TATDN3: variants seen among roughly 807,000 people sequenced by gnomAD.
The protein encoded by TATDN3 is TatD DNase domain containing 3.
A neutral mutation model predicts 40.1 loss-of-function variants in TATDN3; 29 were observed. The observed-to-expected ratio is 0.72, with a 90% CI of 0.54 to 0.99. The LOEUF is 0.99. Ranked by LOEUF, TATDN3 falls within the 50% of genes least tolerant of loss-of-function variation. The probability of loss-of-function intolerance (pLI) is 0.00; values close to 1 mark genes in which losing one functional copy is unlikely to be tolerated. For missense variants in TATDN3, 309 were observed against 321.9 expected (o/e 0.96, Z 0.31); for synonymous variants, 105 against 117.0 (o/e 0.90, Z 0.66).
At chr1:212,813,240 A>G (rs927558551) in intron 9 of TATDN3, among the ~76,000 whole-genome samples, 6 of 152,330 alleles carry the variant, frequency 3.9e-5, no homozygotes, top group Admixed American at 3.9e-4. Context: ...ACAAAGAATC[A>G]TATTTTAAAT....
At chr1:212,812,183 C>G (rs1465919161) in intron 8 of TATDN3, 65 bp from the exon 9 acceptor site, 1 of 1,035,790 alleles carries the variant, frequency 9.7e-7, no homozygotes, top group Non-Finnish European at 1.4e-6. Context: ...ATTAGTATGT[C>G]AATTTAATGC....
At chr1:212,806,780 A>ATG in intron 7 of TATDN3, among the ~76,000 whole-genome samples, 1 of 121,630 alleles carries the variant, frequency 8.2e-6, no homozygotes, top group African/African-American at 3.0e-5. Context: ...ATATATATAT[A>ATG]TATACACACA....
rs756427396 is a variant in TATDN3, at chr1:212,815,136, C to T, written c.805C>T (p.Arg269Ter). The part of the protein sequence containing the change: ...QNALKLFPKL[R>*]HLLQK Reference sequence around the variant, plus strand: ...TGCATTAAAACTGTTTCCTAAGCTCCGACACTTGCTCCAGAAATAGCTTCA... The same window carrying T: ...TGCATTAAAACTGTTTCCTAAGCTCTGACACTTGCTCCAGAAATAGCTTCA... The change falls in exon 10 of 10, where the codon CGA becomes TGA. Residue 269 changes from arginine (R) to a stop codon, truncating the protein, a stop_gained. Coordinates refer to ENST00000366974, the MANE Select transcript of TATDN3 (RefSeq NM_001042552.3). LOFTEE classifies it high-confidence loss of function. The T allele has an allele frequency of 3.5e-5, 57 of 1,611,732 alleles. No individual in the cohort carries two copies. The highest frequency in any genetic ancestry group is 6.7e-5 in the East Asian group (3 of 44,864).
At chr1:212,814,011 GGTCTCACTAT>G (rs1463655248) in intron 9 of TATDN3, among the ~76,000 whole-genome samples, 1 of 151,280 alleles carries the variant, frequency 6.6e-6, no homozygotes, top group Non-Finnish European at 1.5e-5. Context: ...ATAGAGACAA[GGTCTCACTAT>G]GTTGCCCAGG....
intron 8 of TATDN3, among the ~76,000 whole-genome samples, chr1:212,811,724 A>G (rs2102483169): frequency 6.8e-6 from 1 of 146,034 alleles, no homozygotes; most frequent in Middle Eastern, 3.5e-3. Flanking sequence ...TTTTTTTGAG[A>G]TGGAGTCTTG....
At chr1:212,796,759 A>C in intron 3 of TATDN3, 169 bp downstream of exon 3, 1 of 522,732 alleles carries the variant, frequency 1.9e-6, no homozygotes, top group East Asian at 3.4e-5. Flanking sequence ...TCTTTGAGAG[A>C]TGGAGTCTTG....
intron 2 of TATDN3, 41 bp downstream of exon 2, chr1:212,795,168 T>C (rs1661662061): frequency 6.5e-7 from 1 of 1,547,438 alleles, no homozygotes; most frequent in Non-Finnish European, 8.9e-7. Flanking sequence ...TTTTTTATTT[T>C]AACTATCATT....
chr1:212,805,935 CACAT>C (rs1240968364), intron 7 of TATDN3, among the ~76,000 whole-genome samples: 7 of 152,050 alleles, frequency 4.6e-5, no homozygotes, highest in Admixed American at 3.3e-4. Context: ...GCTACATACA[CACAT>C]ACATATAAGC....
chr1:212,806,795 C>CATAT (rs1553257537), intron 7 of TATDN3, among the ~76,000 whole-genome samples: 103 of 96,950 alleles, frequency 1.1e-3, no homozygotes, highest in East Asian at 1.5e-3. Context: ...CACACACACA[C>CATAT]ACACATATAT....
intron 9 of TATDN3, 25 bp from the exon 10 acceptor site, chr1:212,814,988 C>A: frequency 6.2e-7 from 1 of 1,600,998 alleles, no homozygotes; most frequent in Non-Finnish European, 8.5e-7. Flanking sequence ...TCATGTTTGA[C>A]ATGGTGTCTG....
chr1:212,792,473 C>A (rs1052007139), intron 1 of TATDN3, among the ~76,000 whole-genome samples: 188 of 120,336 alleles, frequency 1.6e-3, no homozygotes, highest in South Asian at 2.7e-3. Flanking sequence ...CTCGTCCCTA[C>A]AAAAAAAAAA....
intron 4 of TATDN3, chr1:212,797,406 A>G: frequency 7.4e-6 from 4 of 542,584 alleles, no homozygotes; most frequent in Non-Finnish European, 1.3e-5. Context: ...AGGAATCATT[A>G]GTTAAGTTGT....
At chr1:212,804,957 T>C (rs78806022) in intron 7 of TATDN3, among the ~76,000 whole-genome samples, 3,466 of 152,280 alleles carry the variant, frequency 0.023, 63 homozygotes, top group South Asian at 0.041. Flanking sequence ...CTCCAGTTTC[T>C]TTTATTTATT....
Position 212,815,045 on chromosome 1 carries a change from AG to A in TATDN3, c.715del (p.Ala239GlnfsTer7). Reference sequence around the variant, plus strand: ...ATGAGCCCTGGAACATTTCTATTTCAGCAGAATATATTGCCCAGGTGAAAGG... The same window carrying A: ...ATGAGCCCTGGAACATTTCTATTTCACAGAATATATTGCCCAGGTGAAAGG... ...RNEPWNISISAEYIAQVKGIS... is the reference protein window; with the variant it reads ...RNEPWNISISXEYIAQVKGIS... On this transcript the variant is annotated frameshift_variant, in exon 10 of 10. Coordinates refer to ENST00000366974, the MANE Select transcript of TATDN3 (RefSeq NM_001042552.3). LOFTEE classifies it high-confidence loss of function. 1 of 1,613,882 alleles carries A rather than the reference AG, an allele frequency of 6.2e-7. No individual in the cohort carries two copies. The highest frequency in any genetic ancestry group is 8.5e-7 in the Non-Finnish European group (1 of 1,179,968).
intron 4 of TATDN3, among the ~76,000 whole-genome samples, 182 bp from the exon 5 acceptor site, chr1:212,802,519 T>G (rs1186106590): frequency 6.6e-6 from 1 of 152,218 alleles, no homozygotes; most frequent in African/African-American, 2.4e-5. Context: ...ATGTTTCTAC[T>G]CAAACTTACA....
intron 4 of TATDN3, 72 bp downstream of exon 4, chr1:212,797,268 T>G (rs757031527): frequency 9.2e-7 from 1 of 1,082,946 alleles, no homozygotes; most frequent in East Asian, 2.5e-5. Context: ...GTAATCCTCC[T>G]CTTTCTAATT....
chr1:212,812,398 T>C (rs948695873), intron 9 of TATDN3, 70 bp downstream of exon 9: 1 of 853,606 alleles, frequency 1.2e-6, no homozygotes. Context: ...AATTTAGCTG[T>C]ATTTCTCATT....
chr1:212,797,755 AG>A (rs982018123), intron 4 of TATDN3: 2 of 152,562 alleles, frequency 1.3e-5, no homozygotes, highest in Admixed American at 1.3e-4. Context: ...GATTAGTTCA[AG>A]TAAGTAGTAT....
chr1:212,804,715 C>T, intron 7 of TATDN3, 64 bp downstream of exon 7: 1 of 1,426,006 alleles, frequency 7.0e-7, no homozygotes, highest in Non-Finnish European at 9.8e-7. Context: ...TTTATGTTCT[C>T]ATAAAGCAAG....
Sources: allele counts gnomAD v4.1 joint callset (sites outside exome capture counted in the v4.1 genomes callset), GRCh38; gene constraint gnomAD v4.1.1; transcripts MANE v1.5; gene names NCBI Gene and HGNC (gene_info 2026-07-23, HGNC 2026-07-21).